Variants in CENPW observed in about 807,000 individuals in gnomAD.
CENPW encodes cancer-up-regulated gene 2 protein.
A neutral mutation model predicts 11.1 loss-of-function variants in CENPW; 3 were observed. The ratio of observed to expected loss-of-function variants is 0.27; its 90% CI spans 0.12 to 0.70. The LOEUF (loss-of-function observed/expected upper bound fraction) is 0.70, where lower values mean the gene tolerates loss of function less well. Ranked by LOEUF, CENPW falls within the 30% of genes least tolerant of loss-of-function variation. The pLI is 0.77. For missense variants in CENPW, 100 were observed against 105.6 expected, an observed-to-expected ratio of 0.95 and a Z score of 0.23; for synonymous variants, 38 against 42.0, an observed-to-expected ratio of 0.91 and a Z score of 0.37.
the CENPW span, among the ~76,000 whole-genome samples, chr6:126,450,588 CT>C: frequency 2.7e-5 from 4 of 150,514 alleles, no homozygotes; most frequent in Non-Finnish European, 6.0e-5. Flanking sequence ...ATATCCTTTG[CT>C]TTTTTTTCAT....
chr6:126,365,444 T>C, the CENPW span, among the ~76,000 whole-genome samples: 1 of 152,052 alleles, frequency 6.6e-6, no homozygotes, highest in South Asian at 2.1e-4. Context: ...AAGCACATCT[T>C]ATATGACCAG....
the CENPW span, among the ~76,000 whole-genome samples, chr6:126,400,154 AGAGT>A: frequency 6.6e-6 from 1 of 152,078 alleles, no homozygotes; most frequent in Non-Finnish European, 1.5e-5. Flanking sequence ...CATTTATATT[AGAGT>A]GAGTAACAGT....
At chr6:126,444,990 T>C in the CENPW span, among the ~76,000 whole-genome samples, 1 of 151,054 alleles carries the variant, frequency 6.6e-6, no homozygotes, top group South Asian at 2.1e-4. Context: ...TCTTCTTAGG[T>C]TGGGCACTTG....
the CENPW span, among the ~76,000 whole-genome samples, chr6:126,421,574 A>G: frequency 8.9e-5 from 12 of 135,214 alleles, no homozygotes; most frequent in Middle Eastern, 4.1e-3. Context: ...CACCTTTTCT[A>G]ACACTTTCTT....
At chr6:126,477,088 T>C in the CENPW span, among the ~76,000 whole-genome samples, 1 of 152,112 alleles carries the variant, frequency 6.6e-6, no homozygotes, top group Non-Finnish European at 1.5e-5. Flanking sequence ...GATAACACCA[T>C]ATTGGGATTC....
At chr6:126,473,664 C>T in the CENPW span, among the ~76,000 whole-genome samples, 11 of 151,552 alleles carry the variant, frequency 7.3e-5, no homozygotes, top group Admixed American at 5.3e-4. Flanking sequence ...GCTTGGGAGG[C>T]GGAGGTTGCA....
chr6:126,476,066 A>G, the CENPW span, among the ~76,000 whole-genome samples: 1 of 151,768 alleles, frequency 6.6e-6, no homozygotes, highest in East Asian at 1.9e-4. Flanking sequence ...GACTGCCAGT[A>G]CATTTTTCTA....
the CENPW span, among the ~76,000 whole-genome samples, chr6:126,392,191 G>A: frequency 6.6e-6 from 1 of 151,538 alleles, no homozygotes; most frequent in East Asian, 1.9e-4. Context: ...CTTTCACTTT[G>A]GTTAAATTAA....
the CENPW span, among the ~76,000 whole-genome samples, chr6:126,482,813 AT>A: frequency 6.6e-6 from 1 of 151,778 alleles, no homozygotes; most frequent in African/African-American, 2.4e-5. Context: ...CTTCTGTAAT[AT>A]TTTCTTGACT....
the CENPW span, among the ~76,000 whole-genome samples, chr6:126,400,877 C>T: frequency 1.3e-5 from 2 of 152,030 alleles, no homozygotes; most frequent in Non-Finnish European, 2.9e-5. Context: ...CTAGCATTTT[C>T]AATAGATTAT....
the CENPW span, among the ~76,000 whole-genome samples, chr6:126,438,769 A>G: frequency 2.0e-5 from 3 of 151,734 alleles, no homozygotes; most frequent in Admixed American, 6.6e-5. Flanking sequence ...ATAATTTTAT[A>G]TCATGACAAA....
At chr6:126,406,835 G>A in the CENPW span, among the ~76,000 whole-genome samples, 5,373 of 151,148 alleles carry the variant, frequency 0.036, 312 homozygotes, top group African/African-American at 0.12. Flanking sequence ...CTTGGTGACA[G>A]AGCAAGACTC....
At chr6:126,467,843 T>G in the CENPW span, among the ~76,000 whole-genome samples, 6 of 152,116 alleles carry the variant, frequency 3.9e-5, no homozygotes, top group African/African-American at 1.4e-4. Flanking sequence ...GCTCAACTAT[T>G]GATCAAAATC....
the CENPW span, among the ~76,000 whole-genome samples, chr6:126,420,028 A>AAAT: frequency 6.6e-6 from 1 of 152,194 alleles, no homozygotes; most frequent in South Asian, 2.1e-4. Context: ...CAGTAGTTAT[A>AAAT]AATGAAGTGC....
chr6:126,450,330 AT>A, the CENPW span, among the ~76,000 whole-genome samples: 7 of 151,076 alleles, frequency 4.6e-5, no homozygotes, highest in Non-Finnish European at 7.4e-5. Context: ...TGAAGTCATA[AT>A]TTTTACTAAG....
At chr6:126,450,091 GGTT>G in the CENPW span, among the ~76,000 whole-genome samples, 1 of 151,104 alleles carries the variant, frequency 6.6e-6, no homozygotes, top group Non-Finnish European at 1.5e-5. Flanking sequence ...TGTAAACCAA[GGTT>G]TAAAGACACT....
chr6:126,416,133 A>C, the CENPW span, among the ~76,000 whole-genome samples: 1 of 152,138 alleles, frequency 6.6e-6, no homozygotes, highest in Non-Finnish European at 1.5e-5. Flanking sequence ...TGGAAATGAG[A>C]AACTTGTTGG....
chr6:126,348,283 A>G (rs1484946344), intron 2 of CENPW, among the ~76,000 whole-genome samples, 183 bp from the exon 3 acceptor site: 1 of 152,036 alleles, frequency 6.6e-6, no homozygotes, highest in Non-Finnish European at 1.5e-5. Context: ...TTTTTAGAGA[A>G]ATCTAAGACT....
chr6:126,408,857 C>G, the CENPW span, among the ~76,000 whole-genome samples: 2 of 150,368 alleles, frequency 1.3e-5, no homozygotes. Context: ...TGAGTCTTCT[C>G]TGTTTTTTCC....
Sources: allele counts gnomAD v4.1 joint callset (sites outside exome capture counted in the v4.1 genomes callset), GRCh38; gene constraint gnomAD v4.1.1; transcripts MANE v1.5; gene names NCBI Gene and HGNC (gene_info 2026-07-23, HGNC 2026-07-21).